Variants in GNG2 observed in about 807,000 individuals in gnomAD.
GNG2 encodes the protein guanine nucleotide-binding protein G(I)/G(S)/G(O) subunit gamma-2.
GNG2 carries 5 observed loss-of-function variants against 5.5 expected under a neutral mutation model. The ratio of observed to expected loss-of-function variants is 0.91; its 90% CI spans 0.48 to 1.92. The LOEUF is 1.92. GNG2 is among the 30% of genes most tolerant of loss of function. The pLI, the probability that GNG2 is intolerant of heterozygous loss-of-function variation, is 0.01. For missense variants in GNG2, 55 were observed against 88.4 expected, an observed-to-expected ratio of 0.62 and a Z score of 1.52; for synonymous variants, 28 against 32.0, an observed-to-expected ratio of 0.88 and a Z score of 0.42.
intron 2 of GNG2, among the ~76,000 whole-genome samples, chr14:51,833,384 T>C (rs546806245): frequency 3.9e-5 from 6 of 152,236 alleles, no homozygotes; most frequent in Non-Finnish European, 7.3e-5. Flanking sequence ...CTAATGTAGA[T>C]CACTTTACCC....
At chr14:51,827,541 A>C (rs181893829) in intron 1 of GNG2, 95 of 581,086 alleles carry the variant, frequency 1.6e-4, no homozygotes, top group Admixed American at 1.3e-3. Flanking sequence ...GAAAGCTAGG[A>C]GTGGTATTTT....
At chr14:51,966,225 A>AAAAAC (rs1566720290) in intron 3 of GNG2, among the ~76,000 whole-genome samples, 2 of 148,460 alleles carry the variant, frequency 1.3e-5, no homozygotes, top group Non-Finnish European at 3.0e-5. Flanking sequence ...AAAAAAAAAA[A>AAAAAC]AAAAAAAAAA....
chr14:51,962,640 T>G (rs1310141424), intron 3 of GNG2, among the ~76,000 whole-genome samples: 2 of 152,062 alleles, frequency 1.3e-5, no homozygotes, highest in Non-Finnish European at 2.9e-5. Context: ...GTAGCTGCAA[T>G]AGATATAACA....
At chr14:51,905,732 GGGACCAGGT>G (rs1212159573) in intron 2 of GNG2, among the ~76,000 whole-genome samples, 2 of 152,206 alleles carry the variant, frequency 1.3e-5, no homozygotes, top group Non-Finnish European at 2.9e-5. Context: ...TGTTGTGGGA[GGGACCAGGT>G]GGAAATAATT....
chr14:51,875,912 T>C (rs984211757), intron 1 of GNG2, among the ~76,000 whole-genome samples: 3 of 151,586 alleles, frequency 2.0e-5, no homozygotes, highest in African/African-American at 7.3e-5. Context: ...AAAGAGAATA[T>C]AAAATGCATT....
At chr14:51,889,301 C>T (rs1291502655) in intron 2 of GNG2, among the ~76,000 whole-genome samples, 4 of 151,644 alleles carry the variant, frequency 2.6e-5, no homozygotes, top group Admixed American at 6.6e-5. Context: ...TTAGTAGAGA[C>T]GGGGTTTCAC....
intron 2 of GNG2, among the ~76,000 whole-genome samples, chr14:51,844,833 C>A (rs1349575214): frequency 6.6e-6 from 1 of 152,192 alleles, no homozygotes; most frequent in African/African-American, 2.4e-5. Flanking sequence ...TCAAGTGATT[C>A]TCTTGCCTCA....
intron 2 of GNG2, among the ~76,000 whole-genome samples, chr14:51,945,737 A>T (rs1349005067): frequency 3.3e-5 from 5 of 152,046 alleles, no homozygotes; most frequent in Non-Finnish European, 7.4e-5. Flanking sequence ...ATCAGTGTAG[A>T]GGTCTTCTTT....
At chr14:51,934,678 T>TCAGA (rs1887863626) in intron 2 of GNG2, among the ~76,000 whole-genome samples, 1 of 152,150 alleles carries the variant, frequency 6.6e-6, no homozygotes, top group Non-Finnish European at 1.5e-5. Flanking sequence ...ACTCCCACGT[T>TCAGA]CTCTATGTGA....
At chr14:51,946,645 T>A (rs1450617941) in intron 2 of GNG2, among the ~76,000 whole-genome samples, 1 of 152,158 alleles carries the variant, frequency 6.6e-6, no homozygotes, top group Non-Finnish European at 1.5e-5. Context: ...CAACACTAGA[T>A]GCCATTGTGT....
intron 2 of GNG2, among the ~76,000 whole-genome samples, chr14:51,890,862 A>G (rs1291365969): frequency 6.6e-6 from 1 of 150,940 alleles, no homozygotes; most frequent in Non-Finnish European, 1.5e-5. Context: ...GCAAAAAACA[A>G]ACAAGTTTAT....
intron 2 of GNG2, chr14:51,917,604 T>G (rs1265966871): frequency 3.4e-6 from 1 of 297,968 alleles, no homozygotes; most frequent in Admixed American, 4.8e-5. Flanking sequence ...GGAGATGTGT[T>G]GTTCCCTGAA....
Position 51,950,768 on chromosome 14 carries a change from G to A in GNG2, c.87+3G>A, listed in dbSNP as rs1888926467. ...AAGCCAATATCGACAGGATAAAGGT[G>A]AGGATGGTCTAACCCCACACTTCAT... On this transcript the variant is annotated splice_donor_region_variant and intron_variant, in intron 3 of 3. Coordinates refer to ENST00000556766, the MANE Select transcript of GNG2 (RefSeq NM_053064.5). 1 of 1,584,324 alleles carries A rather than the reference G, an allele frequency of 6.3e-7. No individual in the cohort carries two copies. The highest frequency in any genetic ancestry group is 8.6e-7 in the Non-Finnish European group (1 of 1,162,362).
At chr14:51,928,487 C>A (rs1418020230) in intron 2 of GNG2, among the ~76,000 whole-genome samples, 2 of 152,182 alleles carry the variant, frequency 1.3e-5, no homozygotes, top group Non-Finnish European at 2.9e-5. Flanking sequence ...GCAGCCTGCG[C>A]CACAACTGTT....
At chr14:51,941,548 C>G (rs34329964) in intron 2 of GNG2, among the ~76,000 whole-genome samples, 16,412 of 152,162 alleles carry the variant, frequency 0.11, 1,679 homozygotes, top group East Asian at 0.29. Context: ...TTAGGGAAGT[C>G]TGTCTGGATG....
At chr14:51,918,443 G>A (rs767960208) in intron 2 of GNG2, 1 of 151,800 alleles carries the variant, frequency 6.6e-6, no homozygotes, top group Admixed American at 6.6e-5. Context: ...TACGGCAAAG[G>A]GTTGAATCCA....
At chr14:51,832,802 C>T (rs1881233508) in intron 2 of GNG2, among the ~76,000 whole-genome samples, 1 of 152,174 alleles carries the variant, frequency 6.6e-6, no homozygotes, top group Admixed American at 6.5e-5. Context: ...TGAAAGATTC[C>T]ATCTCCAGTT....
At chr14:51,850,525 A>G (rs1400666578) in intron 2 of GNG2, among the ~76,000 whole-genome samples, 1 of 152,230 alleles carries the variant, frequency 6.6e-6, no homozygotes, top group African/African-American at 2.4e-5. Context: ...AAAAGAACAG[A>G]TTACAAGCAG....
intron 2 of GNG2, among the ~76,000 whole-genome samples, chr14:51,836,951 G>A (rs10142795): frequency 9.7e-4 from 144 of 148,892 alleles, no homozygotes; most frequent in Middle Eastern, 3.6e-3. Context: ...TCTGCCTCCC[G>A]GGTTCAAGCG....
Sources: allele counts gnomAD v4.1 joint callset (sites outside exome capture counted in the v4.1 genomes callset), GRCh38; gene constraint gnomAD v4.1.1; transcripts MANE v1.5; gene names NCBI Gene and HGNC (gene_info 2026-07-23, HGNC 2026-07-21).